SNAP47: variants seen among roughly 807,000 people sequenced by gnomAD.
SNAP47 encodes synaptosomal-associated protein 47.
SNAP47 carries 20 observed loss-of-function variants against 31.4 expected under a neutral mutation model. The ratio of observed to expected loss-of-function variants is 0.64; its 90% CI spans 0.45 to 0.93. SNAP47 has a LOEUF of 0.93. Among genes scored for constraint, SNAP47 ranks in the 40% least tolerant of loss-of-function variants. SNAP47 has a pLI of 0.00. For synonymous variants in SNAP47, 194 were observed against 213.4 expected (o/e 0.91, Z 0.79); for missense variants, 492 against 528.5 (o/e 0.93, Z 0.68).
chr1:227,749,397 G>T (rs983509513), intron 2 of SNAP47, among the ~76,000 whole-genome samples: 2 of 152,108 alleles, frequency 1.3e-5, no homozygotes, highest in African/African-American at 4.8e-5. Flanking sequence ...GGATCCGGGG[G>T]TGCCCACTTG....
upstream of SNAP47, chr1:227,733,444 G>A (rs1333714205): frequency 1.3e-6 from 2 of 1,582,814 alleles, no homozygotes; most frequent in Non-Finnish European, 1.7e-6. Context: ...GCCAGCCACT[G>A]GGCACAAACA....
intron 4 of SNAP47, 72 bp from the exon 5 acceptor site, chr1:227,780,454 GA>G (rs1365422729): frequency 3.8e-6 from 6 of 1,592,024 alleles, no homozygotes; most frequent in African/African-American, 2.7e-5. Context: ...GGGTGTGTGA[GA>G]GGGGGAGATG....
At chr1:227,757,966 C>A (rs756549801) in intron 2 of SNAP47, among the ~76,000 whole-genome samples, 1 of 152,216 alleles carries the variant, frequency 6.6e-6, no homozygotes, top group Non-Finnish European at 1.5e-5. Context: ...GAGAACCTGA[C>A]TGACGCAGTC....
chr1:227,729,929 G>A (rs1292348076), intron 1 of SNAP47, among the ~76,000 whole-genome samples: 1 of 152,176 alleles, frequency 6.6e-6, no homozygotes, highest in African/African-American at 2.4e-5. Context: ...GGGCCCACAG[G>A]TCCCACTCCC....
At position 227,747,921 on chromosome 1, in the gene SNAP47, A is replaced by G; in HGVS notation, c.185A>G (p.His62Arg). 4.3e-6 allele frequency: 7 copies of G among 1,614,098 alleles called. No homozygotes were observed. The highest frequency in any genetic ancestry group is 5.1e-6 in the Non-Finnish European group (6 of 1,180,006). The change falls in exon 2 of 5, where the codon CAT (histidine) becomes CGT (arginine). Residue 62 changes from histidine (H) to arginine (R), a missense_variant. His to Arg is a conservative substitution (Grantham distance 29, BLOSUM62 0). Transcript: ENST00000617596. ...SIVEIKKEAS[H>R]FIFSSITILE... Reference sequence around the variant, plus strand: ...GTTGAGATCAAGAAGGAGGCTTCACATTTTATCTTCAGCTCCATCACCATC... The same window carrying G: ...GTTGAGATCAAGAAGGAGGCTTCACGTTTTATCTTCAGCTCCATCACCATC...
At chr1:227,755,601 G>A (rs895778762) in intron 2 of SNAP47, among the ~76,000 whole-genome samples, 1 of 152,088 alleles carries the variant, frequency 6.6e-6, no homozygotes, top group African/African-American at 2.4e-5. Flanking sequence ...TGGCCGGGCT[G>A]GTCTTGAACT....
intron 1 of SNAP47, 78 bp downstream of exon 1, chr1:227,735,577 T>A: frequency 7.5e-7 from 1 of 1,341,138 alleles, no homozygotes; most frequent in East Asian, 3.0e-5. Context: ...GTCCGCGCGC[T>A]GTGGCTGACA....
intron 1 of SNAP47, among the ~76,000 whole-genome samples, chr1:227,740,047 G>A (rs1661490145): frequency 6.6e-6 from 1 of 152,274 alleles, no homozygotes; most frequent in Non-Finnish European, 1.5e-5. Context: ...ATGGTGTGTA[G>A]CGGGCCTTGC....
chr1:227,768,280 G>C, intron 4 of SNAP47: 2 of 985,442 alleles, frequency 2.0e-6, no homozygotes, highest in Non-Finnish European at 2.4e-6. Context: ...GCTGTCTGTT[G>C]GGCTGAGACT....
chr1:227,734,641 G>A, upstream of SNAP47: 1 of 1,613,578 alleles, frequency 6.2e-7, no homozygotes, highest in Admixed American at 1.7e-5. Flanking sequence ...TGCGTCCCAA[G>A]CCCCATTACC....
At chr1:227,768,275 C>T (rs993966159) in intron 4 of SNAP47, 5 of 985,302 alleles carry the variant, frequency 5.1e-6, no homozygotes, top group Non-Finnish European at 6.0e-6. Context: ...GCAAAGCTGT[C>T]TGTTGGGCTG....
At chr1:227,780,414 C>T (rs1249267513) in intron 4 of SNAP47, 113 bp from the exon 5 acceptor site, 11 of 1,452,056 alleles carry the variant, frequency 7.6e-6, no homozygotes, top group Non-Finnish European at 9.3e-7. Context: ...TCGCAGATGG[C>T]ATCACCCAGG....
chr1:227,777,196 T>G (rs565517581), intron 4 of SNAP47: 1 of 663,328 alleles, frequency 1.5e-6, no homozygotes, highest in South Asian at 6.7e-5. Context: ...TTGTACATAC[T>G]CATGGGTTAC....
At chr1:227,752,984 A>T (rs906816715) in intron 2 of SNAP47, among the ~76,000 whole-genome samples, 4 of 152,178 alleles carry the variant, frequency 2.6e-5, no homozygotes, top group Non-Finnish European at 5.9e-5. Context: ...GTTGGTTCTC[A>T]GAGTTGTTGG....
At chr1:227,765,583 T>A (rs1169313389) in intron 3 of SNAP47, among the ~76,000 whole-genome samples, 1 of 152,168 alleles carries the variant, frequency 6.6e-6, no homozygotes, top group African/African-American at 2.4e-5. Context: ...AGCTTGGGTG[T>A]TGCAAACCTA....
At chr1:227,733,525 G>A, upstream of SNAP47, 1 of 1,603,126 alleles carries the variant, frequency 6.2e-7, no homozygotes, top group Non-Finnish European at 8.5e-7. Context: ...GCAGGTGTGT[G>A]TCGCAGAGTG....
In SNAP47 at chr1:227,762,623, G is replaced by A. The variant is rs1446181357; in HGVS notation, c.988+3138G>A. ...CACAGGGTGGCAGCCTCGCGACACCGGATGGGCGCTTGTCAGGGAGGGACA... is the reference window on the plus strand; with the variant it reads ...CACAGGGTGGCAGCCTCGCGACACCAGATGGGCGCTTGTCAGGGAGGGACA... On this transcript the variant is annotated intron_variant, in intron 3 of 4. Transcript: ENST00000617596. This position sits in a 1 kb window ranked among gnomAD's most constrained non-coding sequence, Gnocchi z 4.2. 7.2e-5 allele frequency among the ~76,000 whole-genome samples: 11 copies of A among 152,164 alleles called. No individual in the cohort carries two copies. Among genetic ancestry groups the A allele is most frequent in the African/African-American group, 2.4e-4 (10 of 41,442 alleles).
At chr1:227,730,661 G>A (rs1477716643), upstream of SNAP47, 3 of 152,228 alleles carry the variant, frequency 2.0e-5, no homozygotes, top group African/African-American at 4.8e-5. Flanking sequence ...TCTCGGGAGC[G>A]TCTGTGCACT....
chr1:227,745,432 T>C (rs1055220255), intron 1 of SNAP47, among the ~76,000 whole-genome samples: 1 of 152,202 alleles, frequency 6.6e-6, no homozygotes, highest in Admixed American at 6.5e-5. Context: ...AGAAACATCT[T>C]AGGGTGTTGT....
Sources: allele counts gnomAD v4.1 joint callset (sites outside exome capture counted in the v4.1 genomes callset), GRCh38; gene constraint gnomAD v4.1.1; non-coding constraint Gnocchi (gnomAD v3.1); transcripts MANE v1.5; gene names NCBI Gene and HGNC (gene_info 2026-07-23, HGNC 2026-07-21).